JMJD1C: variants seen among roughly 807,000 people sequenced by gnomAD.
JMJD1C encodes the protein jumonji domain containing 1C.
Under a neutral mutation model 245.3 loss-of-function variants are expected in JMJD1C, and 31 were observed. That is an observed-to-expected ratio of 0.13 (90% CI 0.09 to 0.17). JMJD1C has a LOEUF of 0.17. JMJD1C is among the 10% of genes least tolerant of loss of function. The pLI is 1.00. For synonymous variants in JMJD1C, 1,057 were observed against 1,017.4 expected (o/e 1.04, Z -0.74); for missense variants, 2,691 against 3,000.2 (o/e 0.90, Z 2.41).
At chr10:63,184,415 G>T (rs61853340) in intron 21 of JMJD1C, among the ~76,000 whole-genome samples, 193 bp downstream of exon 21, 2 of 151,616 alleles carry the variant, frequency 1.3e-5, no homozygotes, top group Non-Finnish European at 2.9e-5. Flanking sequence ...GCTAATTTTT[G>T]TATTTTTTAG....
intron 3 of JMJD1C, among the ~76,000 whole-genome samples, chr10:63,239,219 T>C (rs1185418482): frequency 6.6e-6 from 1 of 152,054 alleles, no homozygotes; most frequent in Non-Finnish European, 1.5e-5. Context: ...CAATATGGAA[T>C]ATAGGGACAA....
At chr10:63,240,019 T>C (rs1391494147) in intron 3 of JMJD1C, among the ~76,000 whole-genome samples, 2 of 152,244 alleles carry the variant, frequency 1.3e-5, no homozygotes, top group Non-Finnish European at 2.9e-5. Flanking sequence ...TATCACACTA[T>C]ATAAGTTACT....
intron 2 of JMJD1C, among the ~76,000 whole-genome samples, chr10:63,312,028 G>A (rs546323448): frequency 6.1e-5 from 9 of 148,150 alleles, no homozygotes; most frequent in African/African-American, 1.7e-4. Context: ...AAAATAAAAA[G>A]TAAACAAAAT....
At chr10:63,465,441 G>A (rs1193301534) in intron 1 of JMJD1C, 54 bp downstream of exon 1, 1 of 1,504,648 alleles carries the variant, frequency 6.6e-7, no homozygotes, top group African/African-American at 1.4e-5. Context: ...AGGTACGTCT[G>A]CGAGAGCCGG....
rs780980129 is a variant in JMJD1C at position 63,215,073 on chromosome 10, T to G, written c.1094A>C (p.Lys365Thr). ...TGAAACATTGTCAGTTCGAAGTCTT[T>G]TCATATTTAGTTTCTTTTCATCCTC... ...PEEDEKKLNM[K>T]RLRTDNVSDF... is the part of the protein sequence containing the mutation. The change falls in exon 8 of 26, where the codon AAA (lysine) becomes ACA (threonine). Residue 365 changes from lysine (K) to threonine (T), a missense_variant. Physicochemically the swap from Lys to Thr is moderately conservative, Grantham distance 78. Coordinates refer to ENST00000399262, the MANE Select transcript of JMJD1C (RefSeq NM_032776.3). 1 of 1,598,582 alleles carries G rather than the reference T, an allele frequency of 6.3e-7. No individual in the cohort carries two copies. Among genetic ancestry groups the G allele is most frequent in the South Asian group, 1.2e-5 (1 of 86,138 alleles).
At chr10:63,287,385 C>G (rs1393153380) in intron 2 of JMJD1C, among the ~76,000 whole-genome samples, 1 of 152,130 alleles carries the variant, frequency 6.6e-6, no homozygotes, top group Non-Finnish European at 1.5e-5. Flanking sequence ...GTACCAGTCT[C>G]AATACATTGA....
At chr10:63,258,439 C>T (rs1029052657) in intron 3 of JMJD1C, among the ~76,000 whole-genome samples, 4 of 152,224 alleles carry the variant, frequency 2.6e-5, no homozygotes, top group Admixed American at 2.6e-4. Flanking sequence ...CTCCTGAGAA[C>T]TGTGCTTAGT....
At chr10:63,380,077 C>A in intron 2 of JMJD1C, 1 of 462,270 alleles carries the variant, frequency 2.2e-6, no homozygotes, top group South Asian at 2.2e-5. Context: ...GTAGCTGGGA[C>A]CACAGGTATG....
At chr10:63,380,087 G>A (rs1303734154) in intron 2 of JMJD1C, 1 of 484,490 alleles carries the variant, frequency 2.1e-6, no homozygotes, top group Non-Finnish European at 3.7e-6. Context: ...CCACAGGTAT[G>A]TGCCACCACA....
intron 3 of JMJD1C, among the ~76,000 whole-genome samples, chr10:63,251,472 A>G (rs58966375): frequency 0.14 from 20,862 of 152,198 alleles, 3,302 homozygotes; most frequent in African/African-American, 0.39. Context: ...CTTTTATTAA[A>G]TAACTAGGTC....
chr10:63,406,471 A>T (rs1463778582), intron 1 of JMJD1C, among the ~76,000 whole-genome samples: 1 of 152,140 alleles, frequency 6.6e-6, no homozygotes, highest in Non-Finnish European at 1.5e-5. Context: ...GTCCATATCA[A>T]AGTCCAGAAG....
rs1257954900 is a variant in JMJD1C, at chr10:63,206,652, C to T, written c.5017G>A (p.Val1673Ile). Residue 1673 changes from valine to isoleucine, a missense_variant, in exon 10 of 26, where the codon GTT becomes ATT. Transcript: ENST00000399262. The stretch of plus-strand genomic sequence containing the variant: ...CTTTCTTTGGCACTCCTGCTGAGAA[C>T]TCCATTGGGTTTCAAATCTTCTTCT... ...EIEEDLKPNG[V>I]LSRSAKERSK... 6.2e-7 allele frequency: 1 copy of T among 1,610,578 alleles called. No individual in the cohort carries two copies. The highest frequency in any genetic ancestry group is 1.3e-5 in the African/African-American group (1 of 74,566).
At chr10:63,469,990 T>C (rs1367323691), upstream of JMJD1C, among the ~76,000 whole-genome samples, 1 of 152,184 alleles carries the variant, frequency 6.6e-6, no homozygotes, top group Non-Finnish European at 1.5e-5. Context: ...ACATTTATGA[T>C]AATGATAAAT....
chr10:63,398,928 G>C (rs1589670911), intron 1 of JMJD1C, among the ~76,000 whole-genome samples: 1 of 152,128 alleles, frequency 6.6e-6, no homozygotes, highest in Non-Finnish European at 1.5e-5. Flanking sequence ...ATTACACGTG[G>C]GAGCCACCGC....
chr10:63,349,901 G>A (rs1032728558), intron 2 of JMJD1C, among the ~76,000 whole-genome samples: 3 of 152,136 alleles, frequency 2.0e-5, no homozygotes, highest in Non-Finnish European at 4.4e-5. Context: ...AACTGGTAAA[G>A]AGTATCTACA....
intron 1 of JMJD1C, among the ~76,000 whole-genome samples, chr10:63,411,103 T>C (rs550143364): frequency 6.6e-6 from 1 of 152,248 alleles, no homozygotes; most frequent in Non-Finnish European, 1.5e-5. Flanking sequence ...TTCACAGATA[T>C]TATACTGAGT....
Position 63,517,179 on chromosome 10 carries a change from T to G in JMJD1C, n.113+4559A>C, listed in dbSNP as rs146121911. On this transcript the variant is annotated intron_variant and non_coding_transcript_variant, in intron 1 of 3. Transcript: ENST00000633035. Reference sequence around the variant, plus strand: ...GTCTCATTAGCATTCTCATTAATAATTACAGCGATCAGACATTATCTTTGT... The same window carrying G: ...GTCTCATTAGCATTCTCATTAATAAGTACAGCGATCAGACATTATCTTTGT... 3.2e-3 allele frequency among the ~76,000 whole-genome samples: 492 copies of G among 152,330 alleles called. 2 individuals carry two copies. The highest frequency in any genetic ancestry group is 0.011 in the African/African-American group (477 of 41,588).
At chr10:63,413,960 A>C (rs1949641874) in intron 1 of JMJD1C, among the ~76,000 whole-genome samples, 1 of 149,764 alleles carries the variant, frequency 6.7e-6, no homozygotes, top group African/African-American at 2.5e-5. Context: ...AGACATTTGG[A>C]TTTCTTAAAA....
intron 10 of JMJD1C, among the ~76,000 whole-genome samples, chr10:63,206,093 C>T (rs577349926): frequency 2.0e-5 from 3 of 152,120 alleles, no homozygotes; most frequent in East Asian, 1.9e-4. Context: ...TCCGTGGGGG[C>T]GTCCTGGAAC....
Sources: gnomAD v4.1 joint callset for allele counts (sites outside exome capture counted in the v4.1 genomes callset) on GRCh38, gnomAD v4.1.1 for gene constraint, MANE v1.5 for transcripts, NCBI Gene and HGNC (gene_info 2026-07-23, HGNC 2026-07-21) for gene names.